The following PCDH15 variants were observed in gnomAD, a reference collection of about 807,000 sequenced individuals.
The protein encoded by PCDH15 is protocadherin related 15, also known as protocadherin-15.
In PCDH15, 129 loss-of-function variants were observed where a neutral mutation model predicts 178.5. The observed-to-expected ratio is 0.72, with a 90% CI of 0.63 to 0.84. PCDH15 has a LOEUF of 0.84. Ranked by LOEUF, PCDH15 falls within the 40% of genes least tolerant of loss-of-function variation. The pLI is 0.00. For synonymous variants in PCDH15, 800 were observed against 732.0 expected (o/e 1.09, Z -1.50); for missense variants, 2,230 against 2,099.9 (o/e 1.06, Z -1.21).
At chr10:54,892,147 AT>A (rs979311744) in intron 3 of PCDH15, among the ~76,000 whole-genome samples, 1 of 152,152 alleles carries the variant, frequency 6.6e-6, no homozygotes, top group Non-Finnish European at 1.5e-5. Flanking sequence ...AAGACTGAGC[AT>A]TTTTTTCATT....
chr10:54,406,777 G>T (rs576487346), intron 3 of PCDH15, among the ~76,000 whole-genome samples: 1 of 152,066 alleles, frequency 6.6e-6, no homozygotes, highest in African/African-American at 2.4e-5. Flanking sequence ...AGGAGCAAAC[G>T]TAAGAGTAAA....
At chr10:55,042,531 A>T (rs2131978608) in intron 2 of PCDH15, among the ~76,000 whole-genome samples, 1 of 152,282 alleles carries the variant, frequency 6.6e-6, no homozygotes, top group Admixed American at 6.5e-5. Flanking sequence ...GAGTAAAAGC[A>T]AGAGACATTA....
chr10:54,037,861 A>G (rs780194976), intron 18 of PCDH15, among the ~76,000 whole-genome samples: 4 of 152,040 alleles, frequency 2.6e-5, no homozygotes, highest in Non-Finnish European at 5.9e-5. Flanking sequence ...TACGTCTAAC[A>G]TGACAAGTGT....
chr10:55,049,023 CAG>C (rs1394297706), intron 2 of PCDH15, among the ~76,000 whole-genome samples: 3 of 151,884 alleles, frequency 2.0e-5, no homozygotes, highest in African/African-American at 7.2e-5. Context: ...CAGCCTAAGA[CAG>C]AGAGACCATT....
At chr10:55,483,864 T>C (rs138660784) in intron 2 of PCDH15, among the ~76,000 whole-genome samples, 3 of 148,936 alleles carry the variant, frequency 2.0e-5, no homozygotes, top group Non-Finnish European at 4.4e-5. Context: ...ATATGATCAC[T>C]GCAGAACTAT....
chr10:54,182,512 T>C (rs1241329146), intron 13 of PCDH15, among the ~76,000 whole-genome samples: 1 of 151,230 alleles, frequency 6.6e-6, no homozygotes, highest in Admixed American at 6.6e-5. Flanking sequence ...AAAAAGTGTG[T>C]GTGTGTGTGT....
intron 1 of PCDH15, among the ~76,000 whole-genome samples, chr10:54,770,471 G>C (rs1948968464): frequency 6.6e-6 from 1 of 152,030 alleles, no homozygotes; most frequent in African/African-American, 2.4e-5. Context: ...GACACTAACA[G>C]AGCCATCCTT....
At chr10:55,298,974 G>T (rs756035462) in intron 1 of PCDH15, among the ~76,000 whole-genome samples, 4 of 152,044 alleles carry the variant, frequency 2.6e-5, no homozygotes, top group Non-Finnish European at 5.9e-5. Flanking sequence ...TACCTAGAAG[G>T]TCCCTCTCAA....
intron 1 of PCDH15, among the ~76,000 whole-genome samples, chr10:55,301,042 T>C (rs981656334): frequency 2.6e-5 from 4 of 152,202 alleles, no homozygotes; most frequent in Admixed American, 2.6e-4. Flanking sequence ...TTGGCTATTA[T>C]GTATAAAGCT....
At chr10:54,634,004 G>A (rs2093775685) in intron 2 of PCDH15, among the ~76,000 whole-genome samples, 1 of 152,034 alleles carries the variant, frequency 6.6e-6, no homozygotes, top group African/African-American at 2.4e-5. Context: ...TCTCCTTCTG[G>A]CCACTGGAGC....
chr10:54,734,961 GT>G (rs1461273011), intron 1 of PCDH15, among the ~76,000 whole-genome samples: 1 of 151,824 alleles, frequency 6.6e-6, no homozygotes, highest in Non-Finnish European at 1.5e-5. Context: ...AAGACTACAT[GT>G]TTGTCAAATA....
chr10:55,348,478 C>A (rs1226200289), intron 2 of PCDH15, among the ~76,000 whole-genome samples: 5 of 152,010 alleles, frequency 3.3e-5, no homozygotes, highest in African/African-American at 4.8e-5. Context: ...AACAAACAAA[C>A]CCCTGGCTTT....
chr10:55,120,128 G>A (rs916851319), intron 2 of PCDH15, among the ~76,000 whole-genome samples: 3 of 151,860 alleles, frequency 2.0e-5, no homozygotes, highest in African/African-American at 7.3e-5. Context: ...AGAGGAAACA[G>A]GGACAAGAGA....
intron 7 of PCDH15, among the ~76,000 whole-genome samples, chr10:54,320,338 C>G (rs1048698137): frequency 7.2e-5 from 11 of 151,970 alleles, no homozygotes; most frequent in African/African-American, 2.7e-4. Flanking sequence ...CCCTTAGAAG[C>G]CTCCTCCCTC....
chr10:54,927,508 T>A (rs1452821652), intron 2 of PCDH15, among the ~76,000 whole-genome samples: 2 of 152,146 alleles, frequency 1.3e-5, no homozygotes, highest in Non-Finnish European at 2.9e-5. Context: ...TCTGCCTTGA[T>A]GATCTGTCTA....
intron 2 of PCDH15, among the ~76,000 whole-genome samples, chr10:55,510,567 C>T (rs1021868249): frequency 1.3e-5 from 2 of 151,888 alleles, no homozygotes; most frequent in Non-Finnish European, 2.9e-5. Context: ...ATTTGATGAA[C>T]TAACTTCTGC....
intron 2 of PCDH15, among the ~76,000 whole-genome samples, chr10:55,481,756 A>G (rs527462640): frequency 6.6e-6 from 1 of 151,838 alleles, no homozygotes; most frequent in South Asian, 2.1e-4. Context: ...ACTTCCGATT[A>G]TGTTATCAAT....
chr10:55,149,218 T>C lies in PCDH15; in HGVS notation c.-80+17358A>G, dbSNP rs151139401. Among the ~76,000 whole-genome samples, 476 of 149,636 alleles carry C rather than the reference T, an allele frequency of 3.2e-3. 5 individuals carry two copies. Among genetic ancestry groups the C allele is most frequent in the African/African-American group, 0.011 (432 of 41,040 alleles). ...AAAGTATTAGAAATGGAGCAGTCTT[T>C]CAATAAATGCTTCTAAGTTAATTAA... is the stretch of plus-strand genomic sequence containing the variant. On this transcript the variant is annotated intron_variant, in intron 2 of 5. Coordinates refer to the PCDH15 transcript ENST00000458638.
chr10:53,988,360 G>A (rs1410488331), intron 21 of PCDH15, among the ~76,000 whole-genome samples: 1 of 152,172 alleles, frequency 6.6e-6, no homozygotes, highest in Admixed American at 6.5e-5. Flanking sequence ...GGGGATGGGG[G>A]AGGGTGTGGG....
Sources: gnomAD v4.1 joint callset for allele counts (sites outside exome capture counted in the v4.1 genomes callset) on GRCh38, gnomAD v4.1.1 for gene constraint, MANE v1.5 for transcripts, NCBI Gene and HGNC (gene_info 2026-07-23, HGNC 2026-07-21) for gene names.